ABCD2: variants seen among roughly 807,000 people sequenced by gnomAD.
ABCD2 encodes the protein ATP-binding cassette sub-family D member 2.
Under a neutral mutation model 70.9 loss-of-function variants are expected in ABCD2, and 36 were observed. The observed-to-expected ratio is 0.51, with a 90% CI of 0.39 to 0.67. The LOEUF (loss-of-function observed/expected upper bound fraction) is 0.67. Ranked by LOEUF, ABCD2 falls within the 30% of genes least tolerant of loss-of-function variation. The pLI, the probability that ABCD2 is intolerant of heterozygous loss-of-function variation, is 0.00. For synonymous variants in ABCD2, 304 were observed against 306.9 expected (o/e 0.99, Z 0.10); for missense variants, 729 against 890.2 (o/e 0.82, Z 2.30).
chr12:39,617,703 C>G (rs1413521401), intron 1 of ABCD2, among the ~76,000 whole-genome samples: 1 of 152,090 alleles, frequency 6.6e-6, no homozygotes, highest in Non-Finnish European at 1.5e-5. Flanking sequence ...CCTAAATTTA[C>G]TTTAAATATT....
At chr12:39,534,119 A>T in the ABCD2 span, among the ~76,000 whole-genome samples, 6 of 152,044 alleles carry the variant, frequency 3.9e-5, no homozygotes, top group Non-Finnish European at 7.4e-5. Context: ...AGTGAACTCC[A>T]CCCCTTACTT....
chr12:39,605,983 T>C (rs140646017), intron 3 of ABCD2, among the ~76,000 whole-genome samples: 1 of 152,354 alleles, frequency 6.6e-6, no homozygotes, highest in East Asian at 1.9e-4. Context: ...GTTAATGTTA[T>C]AGCTATTTAA....
At chr12:39,565,145 G>C (rs922800669) in intron 9 of ABCD2, among the ~76,000 whole-genome samples, 3 of 152,162 alleles carry the variant, frequency 2.0e-5, no homozygotes, top group African/African-American at 7.2e-5. Flanking sequence ...CTTTAAAGTA[G>C]TTTTTTCCAA....
chr12:39,551,593 A>G lies in ABCD2; in HGVS notation c.*2319T>C, dbSNP rs1941088485. 1 of 151,808 alleles carries G rather than the reference A, an allele frequency of 6.6e-6. No homozygotes were observed. The highest frequency in any genetic ancestry group is 2.4e-5 in the African/African-American group (1 of 41,422). 9.4% of individuals were successfully genotyped at this position (151,808 alleles called of 1,614,324 possible). A position where few individuals can be genotyped will look rare whatever the true frequency, so the allele number is the denominator to read the frequency against. ...GTCCTGAAAAATAAATTCAGAAAACAAATAGGCACAAAAAGCTCATGGAAA... is the reference window on the plus strand; with the variant it reads ...GTCCTGAAAAATAAATTCAGAAAACGAATAGGCACAAAAAGCTCATGGAAA... On this transcript the variant is annotated 3_prime_UTR_variant, in exon 10 of 10. Transcript: ENST00000308666.
At chr12:39,609,376 C>T (rs993271934) in intron 2 of ABCD2, among the ~76,000 whole-genome samples, 1 of 152,132 alleles carries the variant, frequency 6.6e-6, no homozygotes, top group Non-Finnish European at 1.5e-5. Flanking sequence ...TCAAACAGCC[C>T]TATCTTTTAG....
At position 39,581,775 on chromosome 12, in the gene ABCD2, G is replaced by T. The variant is rs538478488; in HGVS notation, c.1793-2156C>A. 3.6e-3 allele frequency among the ~76,000 whole-genome samples: 549 copies of T among 152,248 alleles called. 4 individuals are homozygous for T. Among genetic ancestry groups the T allele is most frequent in the Non-Finnish European group, 5.3e-3 (358 of 68,010 alleles). Reference sequence around the variant, plus strand: ...GTTCTTTGTTCTACTAAACCCAAAGGTTTTTGTAGGCAGGCAATATTGCAT... The same window carrying T: ...GTTCTTTGTTCTACTAAACCCAAAGTTTTTTGTAGGCAGGCAATATTGCAT... On this transcript the variant is annotated intron_variant, in intron 7 of 9. Transcript: ENST00000308666.
rs1566580478 is a variant in ABCD2 at position 39,603,991 on chromosome 12, AC to A, written c.1420del (p.Val474TrpfsTer12). 1.2e-6 allele frequency: 2 copies of A among 1,611,148 alleles called. No individual in the cohort carries two copies. The highest frequency in any genetic ancestry group is 1.7e-6 in the Non-Finnish European group (2 of 1,177,972). On this transcript the variant is annotated frameshift_variant, in exon 5 of 10. Transcript: ENST00000308666. LOFTEE classifies it high-confidence loss of function. ...TLAIKGKVID[V>X]DHGIICENVP... ...ATTTTCACAAATAATTCCGTGATCC[AC>A]ATCAATAACTTTTCCTGTAATTAAG...
chr12:39,595,003 C>G (rs1260934050), intron 6 of ABCD2, among the ~76,000 whole-genome samples: 1 of 151,926 alleles, frequency 6.6e-6, no homozygotes, highest in Non-Finnish European at 1.5e-5. Context: ...GAGGCAGAGG[C>G]TGCAGTGAGC....
At chr12:39,533,994 C>A in the ABCD2 span, among the ~76,000 whole-genome samples, 1 of 152,162 alleles carries the variant, frequency 6.6e-6, no homozygotes, top group African/African-American at 2.4e-5. Context: ...CTTTGCAGAA[C>A]CTGGGGTATA....
chr12:39,603,222 T>G (rs1941924567), intron 5 of ABCD2, among the ~76,000 whole-genome samples: 1 of 152,160 alleles, frequency 6.6e-6, no homozygotes, highest in Admixed American at 6.5e-5. Flanking sequence ...AGTCAAATCA[T>G]TTCTTTGTTT....
At chr12:39,531,711 T>C in the ABCD2 span, among the ~76,000 whole-genome samples, 5 of 152,248 alleles carry the variant, frequency 3.3e-5, no homozygotes, top group Non-Finnish European at 7.3e-5. Context: ...ATTGTTGCTA[T>C]TTTGGGTGGA....
intron 9 of ABCD2, among the ~76,000 whole-genome samples, chr12:39,565,802 C>A (rs886975664): frequency 2.0e-5 from 3 of 152,132 alleles, no homozygotes; most frequent in African/African-American, 7.2e-5. Flanking sequence ...ATATGCATCC[C>A]ATCAATACCT....
rs1373379145 is a variant in ABCD2, at chr12:39,551,263, A to G, written c.*2649T>C. On this transcript the variant is annotated 3_prime_UTR_variant, in exon 10 of 10. Coordinates refer to ENST00000308666, the MANE Select transcript of ABCD2 (RefSeq NM_005164.4). Reference sequence around the variant, plus strand: ...TTAAGAGTTAACCTAAAGAATGCACATTTTAAACTCAAGCTCCATAAACTT... The same window carrying G: ...TTAAGAGTTAACCTAAAGAATGCACGTTTTAAACTCAAGCTCCATAAACTT... 6.6e-6 allele frequency: 1 copy of G among 151,752 alleles called. No individual in the cohort carries two copies. The highest frequency in any genetic ancestry group is 1.9e-4 in the East Asian group (1 of 5,198). The allele number at this position is 151,752 out of a possible 1,614,324, so 9.4% of individuals were successfully genotyped here.
At chr12:39,618,423 G>C (rs1433900345) in intron 1 of ABCD2, among the ~76,000 whole-genome samples, 1 of 152,174 alleles carries the variant, frequency 6.6e-6, no homozygotes, top group Non-Finnish European at 1.5e-5. Flanking sequence ...AGTAACTGAG[G>C]CTAAGTAGAC....
intron 5 of ABCD2, among the ~76,000 whole-genome samples, chr12:39,601,368 A>G (rs1417435446): frequency 2.6e-5 from 4 of 151,378 alleles, no homozygotes; most frequent in Non-Finnish European, 5.9e-5. Context: ...ACACACATAG[A>G]ATATTACATA....
Position 39,551,626 on chromosome 12 carries a change from C to T in ABCD2, c.*2286G>A, listed in dbSNP as rs920218608. On this transcript the variant is annotated 3_prime_UTR_variant, in exon 10 of 10. Transcript: ENST00000308666. ...ACAAAAAGCTCATGGAAAACATGTG[C>T]ATATTAGAACTTTAACATTTAAATT... The T allele has an allele frequency of 3.3e-5, 5 of 151,714 alleles. No homozygotes were observed. Among genetic ancestry groups the T allele is most frequent in the Admixed American group, 6.6e-5 (1 of 15,230 alleles). 9.4% of individuals were successfully genotyped at this position (151,714 alleles called of 1,614,324 possible). A position where few individuals can be genotyped will look rare whatever the true frequency, so the allele number is the denominator to read the frequency against.
At chr12:39,542,695 A>G in the ABCD2 span, among the ~76,000 whole-genome samples, 1 of 152,290 alleles carries the variant, frequency 6.6e-6, no homozygotes, top group South Asian at 2.1e-4. Context: ...GATGTCATGG[A>G]TGAGTTCTAG....
At chr12:39,592,637 C>T (rs894974926) in intron 6 of ABCD2, among the ~76,000 whole-genome samples, 2 of 152,160 alleles carry the variant, frequency 1.3e-5, no homozygotes, top group African/African-American at 2.4e-5. Context: ...GATATGTAAC[C>T]TACATACACA....
chr12:39,568,504 T>A (rs999404826), intron 9 of ABCD2, among the ~76,000 whole-genome samples: 15 of 152,224 alleles, frequency 9.9e-5, no homozygotes, highest in African/African-American at 2.9e-4. Context: ...TTCTCTGCAT[T>A]GGTTTTTCTA....
Sources: gnomAD v4.1 joint callset for allele counts (sites outside exome capture counted in the v4.1 genomes callset) on GRCh38, gnomAD v4.1.1 for gene constraint, MANE v1.5 for transcripts, NCBI Gene and HGNC (gene_info 2026-07-23, HGNC 2026-07-21) for gene names.